Variants in MDGA2 observed in about 807,000 individuals in gnomAD.
The protein encoded by MDGA2 is MAM domain-containing glycosylphosphatidylinositol anchor protein 2.
MDGA2 carries 40 observed loss-of-function variants against 117.8 expected under a neutral mutation model. The observed-to-expected ratio is 0.34, with a 90% CI of 0.26 to 0.44. The LOEUF (loss-of-function observed/expected upper bound fraction) is 0.44, where lower values mean the gene tolerates loss of function less well. Among genes scored for constraint, MDGA2 ranks in the 20% least tolerant of loss-of-function variants. The pLI is 1.00. For missense variants in MDGA2, 1,123 were observed against 1,250.6 expected, an observed-to-expected ratio of 0.90 and a Z score of 1.54; for synonymous variants, 452 against 439.0, an observed-to-expected ratio of 1.03 and a Z score of -0.37.
intron 1 of MDGA2, among the ~76,000 whole-genome samples, chr14:47,306,842 G>GAGAGAGAGAGA (rs1889463106): frequency 3.4e-5 from 5 of 146,704 alleles, no homozygotes; most frequent in East Asian, 4.2e-4. Context: ...AGAGAAAGAG[G>GAGAGAGAGAGA]GAGAGAGAGA....
chr14:47,006,358 A>C (rs1887708582), intron 8 of MDGA2, among the ~76,000 whole-genome samples: 1 of 148,324 alleles, frequency 6.7e-6, no homozygotes, highest in Admixed American at 6.8e-5. Context: ...AAAGTGGTTC[A>C]CTACAACATA....
At chr14:47,527,884 G>A (rs1895005559) in intron 1 of MDGA2, among the ~76,000 whole-genome samples, 2 of 152,200 alleles carry the variant, frequency 1.3e-5, no homozygotes, top group African/African-American at 2.4e-5. Context: ...AGAGGAAAGA[G>A]ATAAAAGGAG....
chr14:47,379,155 C>T (rs1395123606), intron 1 of MDGA2, among the ~76,000 whole-genome samples: 1 of 152,130 alleles, frequency 6.6e-6, no homozygotes, highest in Non-Finnish European at 1.5e-5. Flanking sequence ...CCTTTACAGA[C>T]AAGCAAATGC....
At chr14:47,333,326 A>G (rs1890346357) in intron 1 of MDGA2, among the ~76,000 whole-genome samples, 1 of 151,946 alleles carries the variant, frequency 6.6e-6, no homozygotes, top group Non-Finnish European at 1.5e-5. Context: ...TCTTTTTAAT[A>G]ATAGCCAACC....
rs555657080 is a variant in MDGA2 at position 47,133,107 on chromosome 14, TAA to T, written c.793-1263_793-1262del. Among the ~76,000 whole-genome samples, 12 of 135,750 alleles carry T rather than the reference TAA, an allele frequency of 8.8e-5. No homozygotes were observed. In the South Asian group the frequency reaches 2.1e-3, roughly 24 times the overall value. 89.1% of individuals were successfully genotyped at this position (135,750 alleles called of 152,430 possible). A position where few individuals can be genotyped will look rare whatever the true frequency, so the allele number is the denominator to read the frequency against. ...ACCCCTTTAGCATTTTCCTCAGTGG[TAA>T]AAAAAAAAAAAACAAACAAACAAAA... is the stretch of plus-strand genomic sequence containing the variant. On this transcript the variant is annotated intron_variant, in intron 4 of 16. Coordinates refer to ENST00000399232, the MANE Select transcript of MDGA2 (RefSeq NM_001113498.3).
chr14:47,295,980 A>ATG (rs1889059768), intron 2 of MDGA2, among the ~76,000 whole-genome samples: 4 of 148,784 alleles, frequency 2.7e-5, no homozygotes, highest in Admixed American at 6.8e-5. Flanking sequence ...ATAGATAGAT[A>ATG]TAGTAAAGCT....
chr14:47,623,564 G>A (rs1369641346), intron 1 of MDGA2, among the ~76,000 whole-genome samples: 1 of 152,036 alleles, frequency 6.6e-6, no homozygotes, highest in Non-Finnish European at 1.5e-5. Flanking sequence ...GTGATCTAAG[G>A]GGGTATTACT....
At chr14:46,907,799 CT>C in intron 10 of MDGA2, among the ~76,000 whole-genome samples, 1 of 152,156 alleles carries the variant, frequency 6.6e-6, no homozygotes, top group Non-Finnish European at 1.5e-5. Context: ...TTACTAGTAC[CT>C]GATACAACAG....
intron 1 of MDGA2, among the ~76,000 whole-genome samples, chr14:47,326,221 C>T (rs1042247831): frequency 1.3e-5 from 2 of 152,118 alleles, no homozygotes; most frequent in African/African-American, 4.8e-5. Context: ...CAACATCTTT[C>T]CACATCCATA....
At chr14:47,363,987 T>A (rs995952631) in intron 1 of MDGA2, among the ~76,000 whole-genome samples, 19 of 152,046 alleles carry the variant, frequency 1.2e-4, no homozygotes, top group African/African-American at 4.4e-4. Context: ...AGATAGTAAC[T>A]GTCTAAATAA....
At chr14:47,176,848 A>G (rs992864446) in intron 3 of MDGA2, among the ~76,000 whole-genome samples, 4 of 152,192 alleles carry the variant, frequency 2.6e-5, no homozygotes, top group Non-Finnish European at 2.9e-5. Flanking sequence ...AGAAACTACC[A>G]TCAGAGTGAA....
intron 1 of MDGA2, among the ~76,000 whole-genome samples, chr14:47,596,426 T>C (rs1234393579): frequency 6.6e-6 from 1 of 152,176 alleles, no homozygotes; most frequent in African/African-American, 2.4e-5. Context: ...TAGAGGCTTA[T>C]TTCCATATTT....
intron 1 of MDGA2, among the ~76,000 whole-genome samples, chr14:47,356,382 CT>C (rs1466398082): frequency 6.6e-6 from 1 of 152,158 alleles, no homozygotes; most frequent in Non-Finnish European, 1.5e-5. Context: ...AAAATGAACC[CT>C]GTCTTTTCCT....
At chr14:46,987,714 A>G (rs1257580439) in intron 8 of MDGA2, among the ~76,000 whole-genome samples, 1 of 152,094 alleles carries the variant, frequency 6.6e-6, no homozygotes, top group Non-Finnish European at 1.5e-5. Flanking sequence ...AGGGAAGGGA[A>G]TGACAGTGAA....
At chr14:47,070,428 A>T (rs977209608) in intron 6 of MDGA2, among the ~76,000 whole-genome samples, 3 of 152,110 alleles carry the variant, frequency 2.0e-5, no homozygotes, top group Non-Finnish European at 4.4e-5. Context: ...ATCCCTTTGA[A>T]ATATAATAGT....
chr14:46,958,562 T>A (rs1308736290), intron 8 of MDGA2, among the ~76,000 whole-genome samples: 3 of 152,132 alleles, frequency 2.0e-5, no homozygotes, highest in Admixed American at 1.3e-4. Context: ...AAATCACTGG[T>A]GAAAGCCTGA....
At chr14:46,853,621 T>C (rs536075643) in intron 15 of MDGA2, among the ~76,000 whole-genome samples, 20 of 146,936 alleles carry the variant, frequency 1.4e-4, no homozygotes, top group African/African-American at 3.5e-4. Context: ...TGAAAAGTTC[T>C]AAAAAAAAAA....
At chr14:47,481,979 A>G (rs1402905998) in intron 1 of MDGA2, among the ~76,000 whole-genome samples, 1 of 152,044 alleles carries the variant, frequency 6.6e-6, no homozygotes, top group Non-Finnish European at 1.5e-5. Flanking sequence ...GTAATGTTAC[A>G]GGTACACAGG....
chr14:47,418,158 C>T (rs552385861), intron 1 of MDGA2, among the ~76,000 whole-genome samples: 2 of 152,234 alleles, frequency 1.3e-5, no homozygotes, highest in South Asian at 4.1e-4. Flanking sequence ...CTCTCTGCAA[C>T]CTCTACCTCC....
Sources: gnomAD v4.1 joint callset for allele counts (sites outside exome capture counted in the v4.1 genomes callset) on GRCh38, gnomAD v4.1.1 for gene constraint, MANE v1.5 for transcripts, NCBI Gene and HGNC (gene_info 2026-07-23, HGNC 2026-07-21) for gene names.